ME1: variants seen among roughly 807,000 people sequenced by gnomAD.
The protein encoded by ME1 is malic enzyme 1, also known as NADP-dependent malic enzyme.
Under a neutral mutation model 66.4 loss-of-function variants are expected in ME1, and 74 were observed. The ratio of observed to expected loss-of-function variants is 1.11; its 90% confidence interval spans 0.92 to 1.35. ME1 has a LOEUF of 1.35. Among genes scored for constraint, ME1 ranks in the 40% most tolerant of loss-of-function variants. The pLI, the probability that ME1 is intolerant of heterozygous loss-of-function variation, is 0.00. For synonymous variants in ME1, 251 were observed against 235.6 expected (o/e 1.07, Z -0.60); for missense variants, 750 against 694.1 (o/e 1.08, Z -0.90).
intron 6 of ME1, among the ~76,000 whole-genome samples, chr6:83,282,563 T>A (rs1451071554): frequency 6.6e-6 from 1 of 152,150 alleles, no homozygotes; most frequent in Non-Finnish European, 1.5e-5. Flanking sequence ...CAATGAGATA[T>A]CATCTCACTC....
intron 3 of ME1, among the ~76,000 whole-genome samples, chr6:83,369,140 C>A (rs1298586628): frequency 6.6e-6 from 1 of 152,074 alleles, no homozygotes; most frequent in Non-Finnish European, 1.5e-5. Context: ...CCTTGTACTT[C>A]CAGGCACACA....
chr6:83,227,329 C>A lies in ME1; in HGVS notation c.1275+6G>T. On this transcript the variant is annotated splice_donor_region_variant and intron_variant, in intron 11 of 13. Transcript: ENST00000369705. ...TATTAAAATATCTGTTATAGTTTTACTTTACCTTGGTTATTTTGTAGCACT... is the reference window on the plus strand; with the variant it reads ...TATTAAAATATCTGTTATAGTTTTAATTTACCTTGGTTATTTTGTAGCACT... The A allele has an allele frequency of 6.6e-7, 1 of 1,513,798 alleles. No homozygotes were observed. The highest frequency in any genetic ancestry group is 1.4e-5 in the South Asian group (1 of 74,038). The allele number at this position is 1,513,798 out of a possible 1,614,324, so 93.8% of individuals were successfully genotyped here.
intron 6 of ME1, among the ~76,000 whole-genome samples, chr6:83,283,183 G>A (rs546833006): frequency 3.0e-5 from 4 of 131,752 alleles, no homozygotes; most frequent in Non-Finnish European, 6.3e-5. Flanking sequence ...AGCCGAGATC[G>A]CGCCACTGCA....
At chr6:83,310,154 C>A (rs1767904025) in intron 6 of ME1, among the ~76,000 whole-genome samples, 1 of 152,132 alleles carries the variant, frequency 6.6e-6, no homozygotes, top group African/African-American at 2.4e-5. Flanking sequence ...CCACTGTTGT[C>A]CTGGGGGTTG....
At chr6:83,255,013 C>G (rs1218623464) in intron 6 of ME1, among the ~76,000 whole-genome samples, 2 of 152,094 alleles carry the variant, frequency 1.3e-5, no homozygotes, top group Non-Finnish European at 2.9e-5. Context: ...ATTTTTCTCT[C>G]TTTTTCTTCT....
In ME1 at chr6:83,223,198, G is replaced by C. The variant is rs574378160; in HGVS notation, c.1449+562C>G. On this transcript the variant is annotated intron_variant, in intron 12 of 13. Coordinates refer to ENST00000369705, the MANE Select transcript of ME1 (RefSeq NM_002395.6). ...GGTAACAATCTAGCTCTGTAGCCCA[G>C]GATGCAGTGCAGTAGTGCAATCGCA... 3.9e-5 allele frequency among the ~76,000 whole-genome samples: 6 copies of C among 152,298 alleles called. No homozygotes were observed. In the South Asian group the frequency reaches 1.2e-3, roughly 32 times the overall value.
intron 6 of ME1, among the ~76,000 whole-genome samples, chr6:83,254,212 A>G (rs899463152): frequency 6.6e-6 from 1 of 152,212 alleles, no homozygotes; most frequent in African/African-American, 2.4e-5. Context: ...GAGCTGAAAG[A>G]TAAAAAAGAA....
At chr6:83,252,448 C>T (rs963355867) in intron 7 of ME1, among the ~76,000 whole-genome samples, 1 of 152,092 alleles carries the variant, frequency 6.6e-6, no homozygotes, top group Non-Finnish European at 1.5e-5. Flanking sequence ...TACAGGCACA[C>T]ACCATCATGC....
intron 8 of ME1, 92 bp from the exon 9 acceptor site, chr6:83,237,922 A>G (rs1476921020): frequency 1.7e-6 from 1 of 596,066 alleles, no homozygotes; most frequent in African/African-American, 1.9e-5. Context: ...GTTAGTGGGA[A>G]CAAAATATTT....
intron 3 of ME1, among the ~76,000 whole-genome samples, chr6:83,362,606 C>A (rs1259821938): frequency 6.6e-6 from 1 of 152,230 alleles, no homozygotes; most frequent in African/African-American, 2.4e-5. Context: ...CAGAGACCAA[C>A]ACTGAGCCCT....
intron 5 of ME1, among the ~76,000 whole-genome samples, chr6:83,330,193 T>C (rs1768377569): frequency 6.6e-6 from 1 of 152,232 alleles, no homozygotes; most frequent in South Asian, 2.1e-4. Context: ...TCTATACTGA[T>C]GTAACTATTC....
At chr6:83,385,137 C>T (rs2128549065) in intron 3 of ME1, among the ~76,000 whole-genome samples, 1 of 151,962 alleles carries the variant, frequency 6.6e-6, no homozygotes, top group African/African-American at 2.4e-5. Flanking sequence ...CTGTTATTGT[C>T]ACTTTCTCTG....
At chr6:83,261,633 G>A (rs144235826) in intron 6 of ME1, among the ~76,000 whole-genome samples, 17 of 152,098 alleles carry the variant, frequency 1.1e-4, no homozygotes, top group Admixed American at 5.2e-4. Flanking sequence ...GTTAAAGTGC[G>A]GGTTTCCAGT....
At chr6:83,385,139 C>T (rs868459483) in intron 3 of ME1, among the ~76,000 whole-genome samples, 7 of 151,966 alleles carry the variant, frequency 4.6e-5, no homozygotes, top group Middle Eastern at 3.4e-3. Context: ...GTTATTGTCA[C>T]TTTCTCTGGA....
intron 3 of ME1, among the ~76,000 whole-genome samples, chr6:83,359,167 C>G (rs987081757): frequency 6.6e-6 from 1 of 151,128 alleles, no homozygotes; most frequent in Non-Finnish European, 1.5e-5. Context: ...ACAGGGTGGT[C>G]GGGCAGAGGC....
At position 83,237,728 on chromosome 6, in the gene ME1, A is replaced by C; in HGVS notation, c.1015T>G (p.Leu339Val). The C allele has an allele frequency of 6.3e-7, 1 of 1,582,654 alleles. No homozygotes were observed. Among genetic ancestry groups the C allele is most frequent in the Non-Finnish European group, 8.6e-7 (1 of 1,157,456 alleles). ...TGACAAATTCTTACCTTAACTATTA[A>C]TCCTTTTGAATCAACCAGCCATATC... ...KKIWLVDSKG[L>V]IVKGRASLTQ... The change falls in exon 9 of 14, where the codon TTA (leucine) becomes GTA (valine). Residue 339 changes from leucine to valine, a missense_variant. By Grantham distance (32) the Leu-to-Val change is conservative. Coordinates refer to ENST00000369705, the MANE Select transcript of ME1 (RefSeq NM_002395.6).
chr6:83,404,995 TC>T (rs2128551550), intron 2 of ME1, among the ~76,000 whole-genome samples: 1 of 152,368 alleles, frequency 6.6e-6, no homozygotes, highest in African/African-American at 2.4e-5. Flanking sequence ...TGCAGGCTCT[TC>T]TTTGGTTCCA....
chr6:83,419,157 G>A (rs1038862759), intron 1 of ME1, among the ~76,000 whole-genome samples: 1 of 152,110 alleles, frequency 6.6e-6, no homozygotes, highest in Non-Finnish European at 1.5e-5. Context: ...TACCTTTCCT[G>A]ACTAGTTATT....
chr6:83,234,402 G>C (rs116493966), intron 9 of ME1, among the ~76,000 whole-genome samples: 1 of 152,018 alleles, frequency 6.6e-6, no homozygotes, highest in African/African-American at 2.4e-5. Context: ...CTGCCAATGG[G>C]ACATCTCTGT....
Sources: gnomAD v4.1 joint callset for allele counts (sites outside exome capture counted in the v4.1 genomes callset) on GRCh38, gnomAD v4.1.1 for gene constraint, MANE v1.5 for transcripts, NCBI Gene and HGNC (gene_info 2026-07-23, HGNC 2026-07-21) for gene names.